Variants in UGT1A9 observed in about 807,000 individuals in gnomAD.
UGT1A9 encodes UDP-glucuronosyltransferase 1A9.
Under a neutral mutation model 45.0 loss-of-function variants are expected in UGT1A9, and 35 were observed. The observed-to-expected ratio is 0.78, with a 90% CI of 0.59 to 1.03. UGT1A9 has a LOEUF of 1.03. Ranked by LOEUF, UGT1A9 falls within the 50% of genes least tolerant of loss-of-function variation. The probability of loss-of-function intolerance (pLI) is 0.00; values close to 1 mark genes in which losing one functional copy is unlikely to be tolerated. For missense variants in UGT1A9, 687 were observed against 666.6 expected, an observed-to-expected ratio of 1.03 and a Z score of -0.34; for synonymous variants, 278 against 250.6, an observed-to-expected ratio of 1.11 and a Z score of -1.03.
intron 1 of UGT1A9, chr2:233,682,268 A>G (rs745592985): frequency 1.2e-6 from 2 of 1,614,204 alleles, no homozygotes; most frequent in Admixed American, 3.3e-5. Context: ...TCTATTAACA[A>G]GTTCATCCAA....
intron 1 of UGT1A9, chr2:233,747,324 T>G: frequency 1.2e-6 from 2 of 1,603,244 alleles, no homozygotes; most frequent in Non-Finnish European, 1.7e-6. Context: ...TACCCATTGA[T>G]GGCAGCCACT....
At chr2:233,762,311 G>T (rs1026120967) in intron 1 of UGT1A9, among the ~76,000 whole-genome samples, 9 of 152,158 alleles carry the variant, frequency 5.9e-5, no homozygotes, top group African/African-American at 2.2e-4. Context: ...CTAGTTAATG[G>T]GTCGAGAGTA....
chr2:233,691,638 AG>A, intron 1 of UGT1A9: 1 of 985,558 alleles, frequency 1.0e-6, no homozygotes, highest in Non-Finnish European at 1.2e-6. Flanking sequence ...GTTAGCAGGC[AG>A]GGCCAGTGTG....
At chr2:233,760,618 A>C (rs558023429) in intron 1 of UGT1A9, 1 of 1,614,234 alleles carries the variant, frequency 6.2e-7, no homozygotes, top group Non-Finnish European at 8.5e-7. Context: ...GCGTGTGATC[A>C]AAACATACAA....
Position 233,767,165 on chromosome 2 carries a change from A to G in UGT1A9, c.987A>G (p.Thr329=). 2.5e-6 allele frequency: 4 copies of G among 1,614,130 alleles called. No individual in the cohort carries two copies. Among genetic ancestry groups the G allele is most frequent in the Non-Finnish European group, 3.4e-6 (4 of 1,180,004 alleles). ...IADALGKIPQ[T]VLWRYTGTRP... is the part of the protein sequence containing the mutation. ...ATGCTTTGGGCAAAATCCCTCAGAC[A>G]GTAAGAAGATTCTATACCATGGCCT... The change falls in exon 2 of 5, where the codon ACA becomes ACG. Residue 329 remains threonine (T), a splice_region_variant and synonymous_variant. Transcript: ENST00000354728.
intron 1 of UGT1A9, among the ~76,000 whole-genome samples, chr2:233,681,210 C>CT (rs1310852061): frequency 6.6e-6 from 1 of 151,926 alleles, no homozygotes; most frequent in Non-Finnish European, 1.5e-5. Flanking sequence ...ATGCCAATTT[C>CT]TTTCTGGGCA....
At chr2:233,682,662 A>G (rs1390697140) in intron 1 of UGT1A9, 4 of 1,613,880 alleles carry the variant, frequency 2.5e-6, no homozygotes, top group Admixed American at 1.7e-5. Context: ...GTCACGGCAT[A>G]TGATCTCTAC....
intron 1 of UGT1A9, chr2:233,747,152 G>T: frequency 1.3e-6 from 2 of 1,577,610 alleles, no homozygotes; most frequent in Non-Finnish European, 1.7e-6. Flanking sequence ...TTAAGATGAA[G>T]AAAACAAATG....
chr2:233,689,246 T>C (rs2074933289), intron 1 of UGT1A9, among the ~76,000 whole-genome samples: 1 of 152,204 alleles, frequency 6.6e-6, no homozygotes, highest in African/African-American at 2.4e-5. Flanking sequence ...CTGTGAGTGA[T>C]TCAGACTTGA....
rs544468002 is a variant in UGT1A9 at position 233,756,533 on chromosome 2, C to G, written c.856-10501C>G. Among the ~76,000 whole-genome samples, 22 of 152,166 alleles carry G rather than the reference C, an allele frequency of 1.4e-4. 2 individuals carry two copies. The South Asian group carries it at 3.5e-3, about 24-fold the overall frequency. ...TCAAATGTGCATGTTATTCACTTTT[C>G]TTGACTGCTAAAACAACCAGGGAGA... On this transcript the variant is annotated intron_variant, in intron 1 of 4. Coordinates refer to ENST00000354728, the MANE Select transcript of UGT1A9 (RefSeq NM_021027.3).
chr2:233,746,806 G>C (rs1247555019), intron 1 of UGT1A9, among the ~76,000 whole-genome samples: 1 of 151,794 alleles, frequency 6.6e-6, no homozygotes, highest in African/African-American at 2.4e-5. Flanking sequence ...GCGTGAATGT[G>C]GATTGCCTAC....
chr2:233,724,687 C>A (rs1436694344), intron 1 of UGT1A9, among the ~76,000 whole-genome samples: 2 of 144,326 alleles, frequency 1.4e-5, no homozygotes, highest in African/African-American at 2.6e-5. Context: ...GGATGGCGGC[C>A]GGGTGAAGAC....
chr2:233,717,785 A>G (rs559619766), intron 1 of UGT1A9: 1 of 456,340 alleles, frequency 2.2e-6, no homozygotes, highest in South Asian at 1.5e-5. Flanking sequence ...CCATTTTGAA[A>G]TTTGAAGTAG....
intron 1 of UGT1A9, chr2:233,712,937 A>C: frequency 6.2e-6 from 10 of 1,612,352 alleles, no homozygotes; most frequent in East Asian, 4.5e-5. Context: ...GAAGGAAACA[A>C]TTCTAGGAGG....
chr2:233,672,531 T>C lies in UGT1A9; in HGVS notation c.597T>C (p.Asp199=), dbSNP rs756293491. ...YVPRILLGFS[D]AMTFKERVRN... The stretch of plus-strand genomic sequence containing the variant: ...CCAGAATTCTCTTAGGGTTCTCAGA[T>C]GCCATGACTTTCAAGGAGAGAGTAC... The change falls in exon 1 of 5, where the codon GAT becomes GAC. Residue 199 remains aspartate, a synonymous_variant. Coordinates refer to ENST00000354728, the MANE Select transcript of UGT1A9 (RefSeq NM_021027.3). The C allele has an allele frequency of 6.2e-6, 10 of 1,613,970 alleles. No homozygotes were observed. The highest frequency in any genetic ancestry group is 1.7e-4 in the Middle Eastern group (1 of 6,056).
intron 1 of UGT1A9, chr2:233,744,007 G>A: frequency 8.6e-7 from 1 of 1,163,688 alleles, no homozygotes; most frequent in Non-Finnish European, 1.1e-6. Flanking sequence ...TCGGAGACCT[G>A]GGCCGCCTGG....
At chr2:233,734,361 G>A (rs557706400) in intron 1 of UGT1A9, among the ~76,000 whole-genome samples, 44 of 152,144 alleles carry the variant, frequency 2.9e-4, no homozygotes, top group Non-Finnish European at 5.3e-4. Flanking sequence ...CTGTGGGATC[G>A]GTGGTGATAT....
chr2:233,680,966 G>C (rs1048785834), intron 1 of UGT1A9, among the ~76,000 whole-genome samples: 1 of 151,944 alleles, frequency 6.6e-6, no homozygotes, highest in African/African-American at 2.4e-5. Flanking sequence ...TTTCTGGAAG[G>C]GTCCATGGAG....
At chr2:233,749,405 TG>T (rs1425183484) in intron 1 of UGT1A9, among the ~76,000 whole-genome samples, 1 of 151,948 alleles carries the variant, frequency 6.6e-6, no homozygotes, top group African/African-American at 2.4e-5. Flanking sequence ...TATTCTCTAG[TG>T]TTAACTACAT....
Sources: allele counts gnomAD v4.1 joint callset (sites outside exome capture counted in the v4.1 genomes callset), GRCh38; gene constraint gnomAD v4.1.1; transcripts MANE v1.5; gene names NCBI Gene and HGNC (gene_info 2026-07-23, HGNC 2026-07-21).